The following ZNF232 variants were observed in gnomAD, a reference collection of about 807,000 sequenced individuals.
The protein encoded by ZNF232 is zinc finger and SCAN domain-containing protein 11.
In ZNF232, 25 loss-of-function variants were observed where a neutral mutation model predicts 25.2. The observed-to-expected ratio is 0.99, with a 90% CI of 0.72 to 1.39. The LOEUF (loss-of-function observed/expected upper bound fraction) is 1.39. Ranked by LOEUF, ZNF232 falls within the 40% of genes most tolerant of loss-of-function variation. The probability of loss-of-function intolerance (pLI) is 0.00; values close to 1 mark genes in which losing one functional copy is unlikely to be tolerated. For synonymous variants in ZNF232, 193 were observed against 182.9 expected, an observed-to-expected ratio of 1.06 and a Z score of -0.45; for missense variants, 519 against 520.9, an observed-to-expected ratio of 1.00 and a Z score of 0.04.
intron 3 of ZNF232, among the ~76,000 whole-genome samples, chr17:5,107,557 TTGA>T: frequency 6.9e-6 from 1 of 144,750 alleles, no homozygotes; most frequent in African/African-American, 2.7e-5. Context: ...TTTTTTTTTT[TTGA>T]CAGAGTCTTG....
rs747584258 is a variant in ZNF232, at chr17:5,109,879, A to T, written c.24-11T>A. 6.3e-7 allele frequency: 1 copy of T among 1,574,834 alleles called. No individual in the cohort carries two copies. The highest frequency in any genetic ancestry group is 1.4e-5 in the African/African-American group (1 of 72,564). On this transcript the variant is annotated splice_polypyrimidine_tract_variant and intron_variant, in intron 1 of 3. Transcript: ENST00000575898. ...TCTTGCAAGGGCCCCCTGTAACATAAGAAGAAATCATTCCTCTTTTTTTTT... is the reference window on the plus strand; with the variant it reads ...TCTTGCAAGGGCCCCCTGTAACATATGAAGAAATCATTCCTCTTTTTTTTT...
chr17:5,109,532 C>T (rs112690496), exon 2 of ZNF232: 10 of 1,614,222 alleles, frequency 6.2e-6, no homozygotes, highest in African/African-American at 5.3e-5. Context: ...GCACCAGGAA[C>T]TCCAGGATCT....
chr17:5,113,348 C>G (rs1193689313), upstream of ZNF232: 1 of 152,188 alleles, frequency 6.6e-6, no homozygotes, highest in African/African-American at 2.4e-5. Flanking sequence ...AGTTGCTCCA[C>G]AAGGGATTGT....
At chr17:5,122,691 T>TGCCCGCGCCTA (rs2072725576) in intron 1 of ZNF232, among the ~76,000 whole-genome samples, 1 of 152,154 alleles carries the variant, frequency 6.6e-6, no homozygotes, top group Non-Finnish European at 1.5e-5. Flanking sequence ...CAAAAGCAGC[T>TGCCCGCGCCTA]GCCCGCGCCT....
At chr17:5,106,664 T>C in intron 3 of ZNF232, 131 bp from the exon 4 acceptor site, 1 of 777,424 alleles carries the variant, frequency 1.3e-6, no homozygotes, top group Non-Finnish European at 2.0e-6. Context: ...AGTTATCTCT[T>C]GGTGATGGGA....
At position 5,108,794 on chromosome 17, in the gene ZNF232, T is replaced by TAAGAATA. The variant is rs1019925435; in HGVS notation, c.625+125_625+131dup. The TAAGAATA allele has an allele frequency of 1.8e-5, 26 of 1,410,886 alleles. No homozygotes were observed. In the African/African-American group the frequency reaches 3.6e-4, roughly 19 times the overall value. 87.4% of individuals were successfully genotyped at this position (1,410,886 alleles called of 1,614,324 possible). On this transcript the variant is annotated intron_variant, in intron 3 of 3. Coordinates refer to ENST00000575898, the Ensembl canonical transcript of ZNF232. ...CAGGCAAAGTCTCTCACCTAAGAGATAAGAATAGTAAGGCTGTGATGATAC... is the reference window on the plus strand; with the variant it reads ...CAGGCAAAGTCTCTCACCTAAGAGATAAGAATAAAGAATAGTAAGGCTGTGATGATAC...
Position 5,109,374 on chromosome 17 carries a change from G to A in ZNF232, c.498+20C>T, listed in dbSNP as rs1460716617. On this transcript the variant is annotated intron_variant, in intron 2 of 3. Transcript: ENST00000575898. ...GGTCATCAATCTGGCTCCCATAACAGACCAAATCCCCCTTCCCACCTGCGG... is the reference window on the plus strand; with the variant it reads ...GGTCATCAATCTGGCTCCCATAACAAACCAAATCCCCCTTCCCACCTGCGG... 1.9e-6 allele frequency: 3 copies of A among 1,613,598 alleles called. No homozygotes were observed. Among genetic ancestry groups the A allele is most frequent in the Non-Finnish European group, 2.5e-6 (3 of 1,179,792 alleles).
chr17:5,111,882 T>C (rs981823297), upstream of ZNF232: 65 of 1,606,032 alleles, frequency 4.0e-5, no homozygotes, highest in Admixed American at 3.6e-4. Context: ...GGTTTGCGCC[T>C]GCGCAGGTCG....
At chr17:5,111,650 C>G in intron 1 of ZNF232, 150 bp downstream of exon 1, 2 of 1,170,326 alleles carry the variant, frequency 1.7e-6, no homozygotes, top group East Asian at 5.1e-5. Flanking sequence ...GGTAGCGCAG[C>G]GCGGGCACCA....
intron 2 of ZNF232, 50 bp from the exon 3 acceptor site, chr17:5,109,102 T>G: frequency 6.2e-7 from 1 of 1,611,930 alleles, no homozygotes; most frequent in Non-Finnish European, 8.5e-7. Context: ...AAATTACTAG[T>G]GTGGTTTCTG....
exon 4 of ZNF232, chr17:5,106,060 C>T: frequency 6.2e-7 from 1 of 1,614,190 alleles, no homozygotes; most frequent in Non-Finnish European, 8.5e-7. Flanking sequence ...CATCTGAAGG[C>T]CTTCCCACAT....
At chr17:5,106,350 T>A (rs2143564871) in exon 4 of ZNF232, 1 of 1,614,214 alleles carries the variant, frequency 6.2e-7, no homozygotes, top group East Asian at 2.2e-5. Context: ...CGCTTTGGGA[T>A]TTCTCTGCTG....
chr17:5,111,531 G>T (rs1007751321), intron 1 of ZNF232: 1 of 534,908 alleles, frequency 1.9e-6, no homozygotes, highest in Non-Finnish European at 3.2e-6. Context: ...TGTCGTCCAG[G>T]CCAGGTACAA....
chr17:5,112,927 C>G (rs1273215378), upstream of ZNF232, among the ~76,000 whole-genome samples: 2 of 151,682 alleles, frequency 1.3e-5, no homozygotes, highest in African/African-American at 2.4e-5. Context: ...CCACTGCACT[C>G]TAGCCTGGGC....
upstream of ZNF232, chr17:5,111,979 G>C (rs1287039376): frequency 2.7e-6 from 3 of 1,111,760 alleles, no homozygotes; most frequent in Non-Finnish European, 3.7e-6. Context: ...GCTGCCGAGA[G>C]GCTGGGAGCC....
intron 1 of ZNF232, among the ~76,000 whole-genome samples, chr17:5,117,337 G>A (rs1196471917): frequency 6.6e-6 from 1 of 152,056 alleles, no homozygotes; most frequent in Non-Finnish European, 1.5e-5. Context: ...CCAACATGGT[G>A]AAACCCCCTC....
At chr17:5,111,633 C>T in intron 1 of ZNF232, 167 bp downstream of exon 1, 1 of 979,104 alleles carries the variant, frequency 1.0e-6, no homozygotes, top group Non-Finnish European at 1.5e-6. Flanking sequence ...TGACGCGACG[C>T]AACGCAGGTA....
At chr17:5,121,167 G>A (rs965739332) in intron 1 of ZNF232, among the ~76,000 whole-genome samples, 3 of 152,186 alleles carry the variant, frequency 2.0e-5, no homozygotes, top group African/African-American at 2.4e-5. Flanking sequence ...TTGAGGTGCC[G>A]CAGTTCGGTA....
chr17:5,106,972 C>T (rs988845066), intron 3 of ZNF232, among the ~76,000 whole-genome samples: 1 of 152,104 alleles, frequency 6.6e-6, no homozygotes, highest in African/African-American at 2.4e-5. Flanking sequence ...TTCCCAGCTG[C>T]ATCAATCTAT....
Sources: gnomAD v4.1 joint callset for allele counts (sites outside exome capture counted in the v4.1 genomes callset) on GRCh38, gnomAD v4.1.1 for gene constraint, MANE v1.5 for transcripts, NCBI Gene and HGNC (gene_info 2026-07-23, HGNC 2026-07-21) for gene names.